Variants in RDH10 observed in about 807,000 individuals in gnomAD.
RDH10 encodes the protein retinol dehydrogenase 10.
In RDH10, 12 loss-of-function variants were observed where a neutral mutation model predicts 30.2. The observed-to-expected ratio is 0.40, with a 90% CI of 0.25 to 0.64. The LOEUF (loss-of-function observed/expected upper bound fraction) is 0.64. RDH10 is among the 30% of genes least tolerant of loss of function. The pLI, the probability that RDH10 is intolerant of heterozygous loss-of-function variation, is 0.43. For synonymous variants in RDH10, 189 were observed against 172.2 expected (o/e 1.10, Z -0.76); for missense variants, 268 against 445.2 (o/e 0.60, Z 3.58).
At chr8:73,314,307 C>T (rs561978874) in intron 2 of RDH10, among the ~76,000 whole-genome samples, 2 of 152,292 alleles carry the variant, frequency 1.3e-5, no homozygotes, top group African/African-American at 2.4e-5. Context: ...GAAAAGAAAA[C>T]TAGTCAGGTT....
chr8:73,321,950 G>A (rs77180466), intron 4 of RDH10: 12,479 of 456,238 alleles, frequency 0.027, 308 homozygotes, highest in East Asian at 0.11. Flanking sequence ...ACATGTGTGT[G>A]TCTGTGTGAA....
At chr8:73,321,573 G>A (rs79607930) in intron 4 of RDH10, among the ~76,000 whole-genome samples, 1 of 152,226 alleles carries the variant, frequency 6.6e-6, no homozygotes, top group East Asian at 1.9e-4. Context: ...ATTCACTCTG[G>A]CAGAATGAGA....
intron 2 of RDH10, among the ~76,000 whole-genome samples, chr8:73,317,869 A>C (rs1246350973): frequency 3.3e-5 from 5 of 151,884 alleles, no homozygotes; most frequent in Non-Finnish European, 7.4e-5. Flanking sequence ...GCAGTGAGCT[A>C]TGATTATGCC....
intron 4 of RDH10, 38 bp from the exon 5 acceptor site, chr8:73,322,641 T>C (rs745482136): frequency 6.5e-6 from 10 of 1,546,186 alleles, no homozygotes; most frequent in Non-Finnish European, 6.2e-6. Context: ...TTCTATTGTG[T>C]TAATTTTTCA....
At chr8:73,318,658 C>T (rs1814715496) in intron 2 of RDH10, among the ~76,000 whole-genome samples, 1 of 152,240 alleles carries the variant, frequency 6.6e-6, no homozygotes, top group South Asian at 2.1e-4. Context: ...GTAGACATCG[C>T]CGTAAGGCAC....
intron 2 of RDH10, 61 bp downstream of exon 2, chr8:73,297,490 G>A (rs1814288350): frequency 7.9e-7 from 1 of 1,263,436 alleles, no homozygotes; most frequent in South Asian, 1.2e-5. Context: ...GTTGGGAAGG[G>A]GAGAGACTTC....
At chr8:73,301,831 C>G (rs1419045268) in intron 2 of RDH10, among the ~76,000 whole-genome samples, 1 of 152,222 alleles carries the variant, frequency 6.6e-6, no homozygotes, top group Non-Finnish European at 1.5e-5. Context: ...CTGTCTCACC[C>G]TTGTTGTCAC....
At chr8:73,297,962 C>T (rs1422354523) in intron 2 of RDH10, 2 of 164,820 alleles carry the variant, frequency 1.2e-5, no homozygotes, top group Non-Finnish European at 2.7e-5. Context: ...GGGACTCTCT[C>T]GGGTTAGACA....
intron 2 of RDH10, among the ~76,000 whole-genome samples, chr8:73,316,967 G>A (rs1165549476): frequency 1.3e-5 from 2 of 152,132 alleles, no homozygotes; most frequent in Non-Finnish European, 2.9e-5. Flanking sequence ...TGACATTGAG[G>A]ATTATAGTTG....
intron 2 of RDH10, among the ~76,000 whole-genome samples, chr8:73,308,721 G>C (rs1814505513): frequency 6.6e-6 from 1 of 151,994 alleles, no homozygotes; most frequent in African/African-American, 2.4e-5. Flanking sequence ...TTCATACTAG[G>C]GGCTCTTGCA....
intron 2 of RDH10, among the ~76,000 whole-genome samples, chr8:73,304,084 C>T (rs1384692216): frequency 6.6e-6 from 1 of 152,178 alleles, no homozygotes; most frequent in Non-Finnish European, 1.5e-5. Context: ...CCCTCTTGAC[C>T]GTCTCCTTGA....
chr8:73,305,495 AAGT>A (rs753034725), intron 2 of RDH10, among the ~76,000 whole-genome samples: 67 of 152,338 alleles, frequency 4.4e-4, no homozygotes, highest in Non-Finnish European at 2.1e-4. Context: ...CAATTATGGT[AAGT>A]AGTCTATTTG....
At chr8:73,298,559 CA>C (rs1814319617) in intron 2 of RDH10, among the ~76,000 whole-genome samples, 1 of 152,148 alleles carries the variant, frequency 6.6e-6, no homozygotes, top group South Asian at 2.1e-4. Context: ...GATGGAGTCT[CA>C]CTCTGTCACC....
Position 73,323,281 on chromosome 8 carries a change from C to G in RDH10, c.*245C>G, listed in dbSNP as rs1041019210. ...GGCAGAACCCAGAAACCAGTCAAAT[C>G]TGTAGAGAAGCAGTGTGACATCTTC... On this transcript the variant is annotated 3_prime_UTR_variant, in exon 6 of 6. Coordinates refer to ENST00000240285, the MANE Select transcript of RDH10 (RefSeq NM_172037.5). 2 of 368,962 alleles carry G rather than the reference C, an allele frequency of 5.4e-6. No individual in the cohort carries two copies. The highest frequency in any genetic ancestry group is 1.0e-5 in the Non-Finnish European group (2 of 195,506). 22.9% of individuals were successfully genotyped at this position (368,962 alleles called of 1,614,324 possible).
At chr8:73,311,866 A>G (rs1814570159) in intron 2 of RDH10, 1 of 152,232 alleles carries the variant, frequency 6.6e-6, no homozygotes, top group African/African-American at 2.4e-5. Context: ...ACTAGGAAAA[A>G]GAGGCTATTA....
Position 73,323,880 on chromosome 8 carries a change from G to A in RDH10, c.*844G>A, listed in dbSNP as rs1467815889. The A allele has an allele frequency of 6.6e-6, 1 of 152,198 alleles. No individual in the cohort carries two copies. The highest frequency in any genetic ancestry group is 1.5e-5 in the Non-Finnish European group (1 of 68,078). The allele number at this position is 152,198 out of a possible 1,614,324, so 9.4% of individuals were successfully genotyped here. On this transcript the variant is annotated 3_prime_UTR_variant, in exon 6 of 6. Coordinates refer to ENST00000240285, the MANE Select transcript of RDH10 (RefSeq NM_172037.5). ...TTGGTCAGGATGGTCTCCATCTCTT[G>A]ACATTGTGATCCACCTGCCTCGGCC...
rs1478140290 is a variant in RDH10, at chr8:73,294,913, G to T, written c.-377G>T. On this transcript the variant is annotated 5_prime_UTR_variant, in exon 1 of 6. Coordinates refer to ENST00000240285, the MANE Select transcript of RDH10 (RefSeq NM_172037.5). ...GAGCCGGCGCGCCGGTTCCGGGGAC[G>T]CTCGGGCGGCAGCAGCTTGGCCATG... is the stretch of plus-strand genomic sequence containing the variant. 5.1e-5 allele frequency: 20 copies of T among 394,586 alleles called. No individual in the cohort carries two copies. The highest frequency in any genetic ancestry group is 7.6e-5 in the Non-Finnish European group (17 of 223,476). The allele number at this position is 394,586 out of a possible 1,614,324, so 24.4% of individuals were successfully genotyped here.
intron 2 of RDH10, among the ~76,000 whole-genome samples, chr8:73,307,075 A>C (rs964686578): frequency 2.0e-5 from 3 of 152,218 alleles, no homozygotes; most frequent in African/African-American, 4.8e-5. Context: ...ATTACTTCTA[A>C]ATGATTTCAT....
chr8:73,294,629 C>T lies in RDH10; in HGVS notation c.-661C>T, dbSNP rs926896797. On this transcript the variant is annotated 5_prime_UTR_variant, in exon 1 of 6. Coordinates refer to ENST00000240285, the MANE Select transcript of RDH10 (RefSeq NM_172037.5). ...AGCCGGCCCGGAGCGCTCTGACTTG[C>T]AAGCGGGCTGCGCTGCGGAGCCCAG... The T allele has an allele frequency of 6.6e-5, 21 of 319,918 alleles. No homozygotes were observed. The highest frequency in any genetic ancestry group is 3.0e-4 in the Admixed American group (6 of 20,100). The allele number at this position is 319,918 out of a possible 1,614,324, so 19.8% of individuals were successfully genotyped here.
Sources: gnomAD v4.1 joint callset for allele counts (sites outside exome capture counted in the v4.1 genomes callset) on GRCh38, gnomAD v4.1.1 for gene constraint, MANE v1.5 for transcripts, NCBI Gene and HGNC (gene_info 2026-07-23, HGNC 2026-07-21) for gene names.